Variants in NAAA observed in about 807,000 individuals in gnomAD.
NAAA encodes the protein N-acylethanolamine-hydrolyzing acid amidase.
In NAAA, 39 loss-of-function variants were observed where a neutral mutation model predicts 44.8. The ratio of observed to expected loss-of-function variants is 0.87; its 90% CI spans 0.67 to 1.14. NAAA has a LOEUF of 1.14. NAAA is among the 50% of genes most tolerant of loss of function. The pLI, the probability that NAAA is intolerant of heterozygous loss-of-function variation, is 0.00. For synonymous variants in NAAA, 178 were observed against 191.3 expected (o/e 0.93, Z 0.58); for missense variants, 460 against 467.8 (o/e 0.98, Z 0.15).
At chr4:75,939,448 C>G (rs1051825474) in intron 2 of NAAA, among the ~76,000 whole-genome samples, 7 of 148,328 alleles carry the variant, frequency 4.7e-5, no homozygotes, top group African/African-American at 1.7e-4. Context: ...CAGAGTCTCG[C>G]ACTGTCGCCA....
chr4:75,916,332 A>G (rs540926049), intron 9 of NAAA: 2 of 152,332 alleles, frequency 1.3e-5, no homozygotes, highest in South Asian at 4.1e-4. Flanking sequence ...AGGGCCTGAG[A>G]GTCAGAAGTC....
intron 1 of NAAA, 139 bp from the exon 2 acceptor site, chr4:75,940,304 C>A (rs1331817081): frequency 1.2e-6 from 1 of 808,738 alleles, no homozygotes; most frequent in Non-Finnish European, 1.8e-6. Context: ...ACCGCCCAGG[C>A]GCGGCGTCAC....
intron 2 of NAAA, among the ~76,000 whole-genome samples, chr4:75,939,010 C>A (rs1313675482): frequency 6.6e-6 from 1 of 152,036 alleles, no homozygotes; most frequent in Admixed American, 6.5e-5. Context: ...GCCACCAGGC[C>A]CTGGTAATTT....
chr4:75,923,936 G>A (rs1397792691), intron 5 of NAAA, among the ~76,000 whole-genome samples: 3 of 152,290 alleles, frequency 2.0e-5, no homozygotes, highest in East Asian at 1.9e-4. Flanking sequence ...AGATTAGGGT[G>A]GGGGCAGACA....
rs1725853470 is a variant in NAAA, at chr4:75,918,643, G to A, written c.998+118C>T. ...TGTACCCACAGGAGTGCCCCCACAG[G>A]AGTGCCCCCACAGCCTGGTTACAGG... is the stretch of plus-strand genomic sequence containing the variant. On this transcript the variant is annotated intron_variant, in intron 9 of 10. Coordinates refer to ENST00000286733, the MANE Select transcript of NAAA (RefSeq NM_014435.4). 2.9e-6 allele frequency: 3 copies of A among 1,028,050 alleles called. No individual in the cohort carries two copies. In the South Asian group the frequency reaches 4.0e-5, roughly 14 times the overall value. The allele number at this position is 1,028,050 out of a possible 1,614,324, so 63.7% of individuals were successfully genotyped here.
rs769226283 is a variant in NAAA, at chr4:75,914,993, T to G, written c.999-8A>C. Reference sequence around the variant, plus strand: ...GTAGTATAAATTGTGAAGCTGAAAATTATGAGGAAATTTTATGTACACATC... The same window carrying G: ...GTAGTATAAATTGTGAAGCTGAAAAGTATGAGGAAATTTTATGTACACATC... On this transcript the variant is annotated splice_region_variant and splice_polypyrimidine_tract_variant and intron_variant, in intron 9 of 10. Transcript: ENST00000286733. 1 of 1,587,252 alleles carries G rather than the reference T, an allele frequency of 6.3e-7. No individual in the cohort carries two copies. Among genetic ancestry groups the G allele is most frequent in the Admixed American group, 1.7e-5 (1 of 59,976 alleles).
At chr4:75,923,862 T>C (rs1049635500) in intron 5 of NAAA, among the ~76,000 whole-genome samples, 1 of 152,042 alleles carries the variant, frequency 6.6e-6, no homozygotes, top group African/African-American at 2.4e-5. Flanking sequence ...TTTGTCACCA[T>C]GTGTACAGTA....
At position 75,940,380 on chromosome 4, in the gene NAAA, C is replaced by G. The variant is rs570241813; in HGVS notation, c.207-215G>C. ...GGGAAGGCGGCGGGTAAGAAAACTC[C>G]GAATGGGGAGGGCGAGTGAGGCTGG... On this transcript the variant is annotated intron_variant, in intron 1 of 10. Transcript: ENST00000286733. 132 of 588,526 alleles carry G rather than the reference C, an allele frequency of 2.2e-4. 1 individual carries two copies. The highest frequency in any genetic ancestry group is 2.2e-3 in the African/African-American group (116 of 53,896). 36.5% of individuals were successfully genotyped at this position (588,526 alleles called of 1,614,324 possible).
chr4:75,940,165 C>G lies in NAAA; in HGVS notation c.207G>C (p.Gly69=). The change falls in exon 2 of 11, where the codon GGG becomes GGC. Residue 69 remains glycine (G), a splice_region_variant and synonymous_variant. Transcript: ENST00000286733. ...LVRAAMAQVI[G]DRVPKWVHVL... ...CGTGCACCCACTTGGGGACTCTGTC[C>G]CTAGAAACAAAAAGCACAAGGGCGT... 6.2e-7 allele frequency: 1 copy of G among 1,612,334 alleles called. No homozygotes were observed. The highest frequency in any genetic ancestry group is 1.1e-5 in the South Asian group (1 of 91,030).
chr4:75,931,830 C>T (rs1255456552), intron 3 of NAAA, among the ~76,000 whole-genome samples: 2 of 152,028 alleles, frequency 1.3e-5, no homozygotes, highest in African/African-American at 4.8e-5. Context: ...TTTTGTAATC[C>T]TACGTATTTT....
chr4:75,920,613 G>A (rs559108779), intron 7 of NAAA, 125 bp downstream of exon 7: 152 of 1,180,958 alleles, frequency 1.3e-4, no homozygotes, highest in South Asian at 4.6e-4. Context: ...CACTGGCGAA[G>A]GGGCTCAGGT....
chr4:75,940,141 G>T lies in NAAA; in HGVS notation c.231C>A (p.His77Gln). Residue 77 changes from histidine to glutamine, a missense_variant, in exon 2 of 11, where the codon CAC becomes CAA. Transcript: ENST00000286733. ...CCAGGACCACTTTTCCGATTAACACGTGCACCCACTTGGGGACTCTGTCCC... is the reference window on the plus strand; with the variant it reads ...CCAGGACCACTTTTCCGATTAACACTTGCACCCACTTGGGGACTCTGTCCC... The part of the protein sequence containing the change: ...VIGDRVPKWV[H>Q]VLIGKVVLEL... The T allele has an allele frequency of 6.2e-7, 1 of 1,614,050 alleles. No homozygotes were observed. Among genetic ancestry groups the T allele is most frequent in the Non-Finnish European group, 8.5e-7 (1 of 1,180,028 alleles).
At chr4:75,914,603 T>A (rs1725486049) in intron 10 of NAAA, among the ~76,000 whole-genome samples, 1 of 152,066 alleles carries the variant, frequency 6.6e-6, no homozygotes, top group African/African-American at 2.4e-5. Context: ...GGTCTTGAAC[T>A]CCTGACCTCA....
intron 7 of NAAA, 108 bp from the exon 8 acceptor site, chr4:75,920,083 T>C (rs922979102): frequency 9.8e-7 from 1 of 1,021,298 alleles, no homozygotes; most frequent in Non-Finnish European, 1.5e-6. Context: ...TTATCTCCCT[T>C]TCTCCAAAAC....
At chr4:75,921,672 G>A (rs1011479959) in intron 5 of NAAA, among the ~76,000 whole-genome samples, 1 of 152,208 alleles carries the variant, frequency 6.6e-6, no homozygotes, top group African/African-American at 2.4e-5. Flanking sequence ...AGTGGAGGAG[G>A]TACTGCTGGG....
Position 75,914,930 on chromosome 4 carries a change from T to C in NAAA, c.1054A>G (p.Arg352Gly). ...SAGSPDKYMT[R>G]IRNPSRK Reference sequence around the variant, plus strand: ...TACTTTCTACTCGGGTTTCTGATCCTAGTCATGTACTTGTCTGGGCTACCG... The same window carrying C: ...TACTTTCTACTCGGGTTTCTGATCCCAGTCATGTACTTGTCTGGGCTACCG... Residue 352 changes from arginine (R) to glycine (G), a missense_variant, in exon 10 of 11, where the codon AGG becomes GGG. Coordinates refer to ENST00000286733, the MANE Select transcript of NAAA (RefSeq NM_014435.4). 1.2e-6 allele frequency: 2 copies of C among 1,614,176 alleles called. No homozygotes were observed. The highest frequency in any genetic ancestry group is 8.5e-7 in the Non-Finnish European group (1 of 1,180,008).
At position 75,921,019 on chromosome 4, in the gene NAAA, C is replaced by A; in HGVS notation, c.771G>T (p.Glu257Asp). ...CTCTGTTCCTCGTGATGACCACCCC[C>A]TCCCGGGGGGACGTGCCACCAACAA... ...YYIVGGTSPREGVVITRNRDG... is the reference protein window; with the variant it reads ...YYIVGGTSPRDGVVITRNRDG... The change falls in exon 6 of 11, where the codon GAG becomes GAT. Residue 257 changes from glutamate to aspartate, a missense_variant. By Grantham distance (45) the Glu-to-Asp change is conservative. Transcript: ENST00000286733. 6.2e-7 allele frequency: 1 copy of A among 1,609,772 alleles called. No individual in the cohort carries two copies. The highest frequency in any genetic ancestry group is 8.5e-7 in the Non-Finnish European group (1 of 1,179,090).
intron 4 of NAAA, among the ~76,000 whole-genome samples, chr4:75,926,094 T>A (rs1046941437): frequency 2.6e-5 from 4 of 152,130 alleles, no homozygotes; most frequent in Non-Finnish European, 5.9e-5. Context: ...GCTCACATTT[T>A]AAAAAAATAC....
rs1206532593 is a variant in NAAA at position 75,921,082 on chromosome 4, C to G, written c.708G>C (p.Lys236Asn). 7 of 1,590,324 alleles carry G rather than the reference C, an allele frequency of 4.4e-6. No homozygotes were observed. Among genetic ancestry groups the G allele is most frequent in the Non-Finnish European group, 5.1e-6 (6 of 1,173,330 alleles). Residue 236 changes from lysine to asparagine, a missense_variant, in exon 6 of 11, where the codon AAG becomes AAC. Lys to Asn is a moderately conservative substitution (Grantham distance 94). Transcript: ENST00000286733. ...CAGCAATAAGGGGAGTCTTGGCCAA[C>G]TTGCCAACAGCTGCTTCGAAGTTTT... ...ESENFEAAVG[K>N]LAKTPLIADV...
Sources: allele counts gnomAD v4.1 joint callset (sites outside exome capture counted in the v4.1 genomes callset), GRCh38; gene constraint gnomAD v4.1.1; transcripts MANE v1.5; gene names NCBI Gene and HGNC (gene_info 2026-07-23, HGNC 2026-07-21).